The following DAB1 variants were observed in gnomAD, a reference collection of about 807,000 sequenced individuals.
DAB1 encodes disabled homolog 1.
A neutral mutation model predicts 64.6 loss-of-function variants in DAB1; 15 were observed. The ratio of observed to expected loss-of-function variants is 0.23; its 90% CI spans 0.16 to 0.36. DAB1 has a LOEUF of 0.36. Ranked by LOEUF, DAB1 falls within the 10% of genes least tolerant of loss-of-function variation. The pLI is 1.00. For missense variants in DAB1, 596 were observed against 706.7 expected, an observed-to-expected ratio of 0.84 and a Z score of 1.78; for synonymous variants, 235 against 251.9, an observed-to-expected ratio of 0.93 and a Z score of 0.64.
intron 6 of DAB1, among the ~76,000 whole-genome samples, chr1:57,697,748 A>C (rs1054295755): frequency 6.6e-6 from 1 of 152,148 alleles, no homozygotes; most frequent in Admixed American, 6.6e-5. Flanking sequence ...ATTACCTAGG[A>C]ACTGCCACTA....
At chr1:57,631,123 G>A (rs1645984304) in intron 7 of DAB1, among the ~76,000 whole-genome samples, 4 of 152,228 alleles carry the variant, frequency 2.6e-5, no homozygotes, top group East Asian at 1.9e-4. Flanking sequence ...CTTTGGTGGG[G>A]GTGGGCAGGA....
intron 7 of DAB1, among the ~76,000 whole-genome samples, chr1:57,507,671 T>C (rs1644359470): frequency 6.6e-6 from 1 of 152,186 alleles, no homozygotes; most frequent in South Asian, 2.1e-4. Flanking sequence ...TTCTTCTGTC[T>C]TTTAGGTTGC....
At chr1:58,023,645 A>G (rs1646846063) in intron 5 of DAB1, among the ~76,000 whole-genome samples, 2 of 152,228 alleles carry the variant, frequency 1.3e-5, no homozygotes, top group Admixed American at 1.3e-4. Context: ...GAAGGATAAT[A>G]GAAGTATAAG....
chr1:57,723,162 T>C (rs1478685999), intron 6 of DAB1, among the ~76,000 whole-genome samples: 1 of 152,176 alleles, frequency 6.6e-6, no homozygotes, highest in Non-Finnish European at 1.5e-5. Context: ...ACTAGAAAAC[T>C]TTTTTTCATT....
intron 7 of DAB1, among the ~76,000 whole-genome samples, chr1:57,496,426 C>G (rs1644231347): frequency 1.3e-5 from 2 of 152,190 alleles, no homozygotes; most frequent in Non-Finnish European, 2.9e-5. Context: ...AAAACACACA[C>G]AGAACCTTCA....
chr1:57,835,337 C>G (rs1652763450), intron 1 of DAB1, among the ~76,000 whole-genome samples: 1 of 152,170 alleles, frequency 6.6e-6, no homozygotes, highest in Non-Finnish European at 1.5e-5. Context: ...CATAGCCACT[C>G]TTTATGTTAG....
chr1:58,452,696 G>T (rs1469462484), intron 3 of DAB1, among the ~76,000 whole-genome samples: 1 of 151,356 alleles, frequency 6.6e-6, no homozygotes, highest in African/African-American at 2.4e-5. Context: ...CATGATGGTG[G>T]GTGCCTGTAC....
intron 7 of DAB1, among the ~76,000 whole-genome samples, chr1:57,487,575 A>G (rs1644107900): frequency 6.6e-6 from 1 of 152,194 alleles, no homozygotes; most frequent in African/African-American, 2.4e-5. Flanking sequence ...GATTCAGTCT[A>G]GGCCATATTC....
intron 7 of DAB1, among the ~76,000 whole-genome samples, chr1:57,497,474 C>T (rs972982974): frequency 2.0e-5 from 3 of 152,182 alleles, no homozygotes; most frequent in Non-Finnish European, 4.4e-5. Flanking sequence ...ACATTCTCCT[C>T]TGCCCTCATG....
At chr1:58,406,283 A>G (rs921789603) in intron 3 of DAB1, among the ~76,000 whole-genome samples, 1 of 152,174 alleles carries the variant, frequency 6.6e-6, no homozygotes, top group African/African-American at 2.4e-5. Flanking sequence ...ATTGCCTTTG[A>G]GTTTAAATGG....
At chr1:57,986,209 T>C (rs1353097655) in intron 5 of DAB1, among the ~76,000 whole-genome samples, 1 of 152,120 alleles carries the variant, frequency 6.6e-6, no homozygotes, top group Non-Finnish European at 1.5e-5. Flanking sequence ...GCCTGAATGT[T>C]TGCGTGCCTG....
intron 11 of DAB1, among the ~76,000 whole-genome samples, chr1:57,021,682 G>A (rs1012546398): frequency 1.9e-4 from 29 of 152,158 alleles, no homozygotes; most frequent in Middle Eastern, 3.2e-3. Context: ...TATCAGCAGC[G>A]TGAGAATGGA....
chr1:57,118,399 C>T (rs1185195135), intron 4 of DAB1, among the ~76,000 whole-genome samples: 1 of 152,152 alleles, frequency 6.6e-6, no homozygotes, highest in Non-Finnish European at 1.5e-5. Flanking sequence ...ACAACATATA[C>T]TAGCATATCC....
At chr1:57,865,371 A>G (rs1034870001) in intron 1 of DAB1, among the ~76,000 whole-genome samples, 1 of 152,060 alleles carries the variant, frequency 6.6e-6, no homozygotes, top group African/African-American at 2.4e-5. Context: ...ATAATTAGCT[A>G]TTTCTGGCAT....
chr1:58,093,666 G>C (rs1167888533), intron 5 of DAB1, among the ~76,000 whole-genome samples: 2 of 149,150 alleles, frequency 1.3e-5, no homozygotes, highest in Non-Finnish European at 3.0e-5. Context: ...GGGACCACCA[G>C]TTTAAAGGGT....
intron 5 of DAB1, among the ~76,000 whole-genome samples, chr1:58,102,707 A>C (rs1248320974): frequency 6.6e-6 from 1 of 152,196 alleles, no homozygotes; most frequent in African/African-American, 2.4e-5. Context: ...TCTTTTAATG[A>C]ATTTAATGAA....
chr1:57,746,826 C>T (rs1295716179), intron 6 of DAB1, among the ~76,000 whole-genome samples: 4 of 151,928 alleles, frequency 2.6e-5, no homozygotes, highest in African/African-American at 9.7e-5. Flanking sequence ...TTGGTTGAAC[C>T]CATGATGTGG....
At chr1:58,134,273 T>C (rs944756207) in intron 5 of DAB1, among the ~76,000 whole-genome samples, 2 of 151,898 alleles carry the variant, frequency 1.3e-5, no homozygotes, top group African/African-American at 4.8e-5. Context: ...CATCCTAACA[T>C]GGAGAAAAAA....
chr1:58,474,499 T>C (rs1316889701), intron 3 of DAB1, among the ~76,000 whole-genome samples: 1 of 152,164 alleles, frequency 6.6e-6, no homozygotes, highest in Non-Finnish European at 1.5e-5. Flanking sequence ...TGGTGGCCCA[T>C]GTGACTTTGG....
Sources: gnomAD v4.1 joint callset for allele counts (sites outside exome capture counted in the v4.1 genomes callset) on GRCh38, gnomAD v4.1.1 for gene constraint, MANE v1.5 for transcripts, NCBI Gene and HGNC (gene_info 2026-07-23, HGNC 2026-07-21) for gene names.